SNX29: variants seen among roughly 807,000 people sequenced by gnomAD.
SNX29 encodes the protein sorting nexin 29.
SNX29 carries 78 observed loss-of-function variants against 102.1 expected under a neutral mutation model. That is an observed-to-expected ratio of 0.76 (90% CI 0.64 to 0.92). The LOEUF (loss-of-function observed/expected upper bound fraction) is 0.92. Ranked by LOEUF, SNX29 falls within the 40% of genes least tolerant of loss-of-function variation. The pLI, the probability that SNX29 is intolerant of heterozygous loss-of-function variation, is 0.00. For missense variants in SNX29, 1,280 were observed against 1,061.7 expected, an observed-to-expected ratio of 1.21 and a Z score of -2.86; for synonymous variants, 580 against 414.5, an observed-to-expected ratio of 1.40 and a Z score of -4.85.
chr16:12,472,609 C>G (rs1019229366), intron 18 of SNX29, among the ~76,000 whole-genome samples: 1 of 150,536 alleles, frequency 6.6e-6, no homozygotes, highest in African/African-American at 2.4e-5. Flanking sequence ...CGGGAGAGCA[C>G]TATTGATTAG....
chr16:12,476,265 GA>G (rs1044727943), intron 18 of SNX29, among the ~76,000 whole-genome samples: 26 of 140,406 alleles, frequency 1.9e-4, no homozygotes, highest in African/African-American at 6.6e-4. Context: ...AGGTTGCTGA[GA>G]TCGTGCCACT....
intron 11 of SNX29, among the ~76,000 whole-genome samples, chr16:12,117,052 ACGTGCTT>A (rs1399440969): frequency 2.2e-5 from 3 of 134,636 alleles, no homozygotes; most frequent in Non-Finnish European, 5.1e-5. Flanking sequence ...CGTGTTCAAT[ACGTGCTT>A]CAATGCGGAC....
intron 13 of SNX29, among the ~76,000 whole-genome samples, chr16:12,166,705 G>T (rs1359863580): frequency 2.6e-5 from 4 of 152,088 alleles, no homozygotes; most frequent in Non-Finnish European, 5.9e-5. Flanking sequence ...TAGAGGCCCC[G>T]TATTTATTTG....
intron 14 of SNX29, among the ~76,000 whole-genome samples, chr16:12,259,508 A>G (rs889514640): frequency 6.6e-6 from 1 of 152,156 alleles, no homozygotes; most frequent in African/African-American, 2.4e-5. Flanking sequence ...GGCTCCCCGC[A>G]GCTTTTATGA....
intron 20 of SNX29, among the ~76,000 whole-genome samples, chr16:12,539,801 T>G (rs2077242988): frequency 6.6e-6 from 1 of 152,226 alleles, no homozygotes. Context: ...GAGCATATTT[T>G]CATGTGGATG....
chr16:12,205,686 C>A (rs2077028641), intron 14 of SNX29, among the ~76,000 whole-genome samples: 1 of 152,238 alleles, frequency 6.6e-6, no homozygotes, highest in Non-Finnish European at 1.5e-5. Flanking sequence ...CCCTGTCTTA[C>A]CTTGTGCTGC....
At chr16:12,532,549 C>G (rs933288562) in intron 20 of SNX29, among the ~76,000 whole-genome samples, 2 of 152,178 alleles carry the variant, frequency 1.3e-5, no homozygotes, top group Non-Finnish European at 2.9e-5. Flanking sequence ...TGGAGAATTC[C>G]TAAGAACTTG....
chr16:12,256,110 T>C (rs565701077), intron 14 of SNX29, among the ~76,000 whole-genome samples: 2 of 152,336 alleles, frequency 1.3e-5, no homozygotes, highest in Admixed American at 1.3e-4. Flanking sequence ...TGATTTGCAT[T>C]TCTCCGATGA....
At chr16:11,989,616 A>G (rs1464397005) in intron 1 of SNX29, among the ~76,000 whole-genome samples, 2 of 152,230 alleles carry the variant, frequency 1.3e-5, no homozygotes, top group South Asian at 2.1e-4. Flanking sequence ...TTTTATTTAA[A>G]GTAGCAACTT....
At chr16:12,248,817 G>T (rs6498272) in intron 14 of SNX29, among the ~76,000 whole-genome samples, 102,969 of 151,730 alleles carry the variant, frequency 0.68, 36,109 homozygotes, top group African/African-American at 0.85. Flanking sequence ...GCACATGATA[G>T]AAAAATGCAT....
chr16:12,340,797 T>A (rs2081589400), intron 15 of SNX29, among the ~76,000 whole-genome samples: 1 of 152,182 alleles, frequency 6.6e-6, no homozygotes, highest in Non-Finnish European at 1.5e-5. Context: ...AGCATCTTTG[T>A]GGGTTCTTGA....
At chr16:12,544,323 C>T (rs1183044062) in intron 20 of SNX29, among the ~76,000 whole-genome samples, 1 of 152,044 alleles carries the variant, frequency 6.6e-6, no homozygotes. Context: ...ACCCCAAAGT[C>T]ATGAGGCAGG....
At chr16:12,347,647 A>G (rs139016219) in intron 15 of SNX29, among the ~76,000 whole-genome samples, 5 of 152,302 alleles carry the variant, frequency 3.3e-5, no homozygotes, top group African/African-American at 1.2e-4. Context: ...TATCAGACCC[A>G]TAGCAGGTGC....
chr16:12,040,112 C>G (rs949820286), intron 4 of SNX29, among the ~76,000 whole-genome samples: 58 of 152,280 alleles, frequency 3.8e-4, no homozygotes, highest in Middle Eastern at 3.4e-3. Flanking sequence ...GACTGTAATC[C>G]TAGCATTTTG....
intron 13 of SNX29, among the ~76,000 whole-genome samples, chr16:12,136,005 C>T (rs1030986433): frequency 1.6e-4 from 24 of 152,210 alleles, no homozygotes; most frequent in Middle Eastern, 3.2e-3. Flanking sequence ...TCACTGGGAC[C>T]GGCCTCGCAG....
intron 14 of SNX29, among the ~76,000 whole-genome samples, chr16:12,231,506 G>A (rs28711191): frequency 4.0e-5 from 6 of 151,578 alleles, no homozygotes; most frequent in Non-Finnish European, 7.4e-5. Context: ...CAGAGTTTTA[G>A]TCAATTTCCA....
At chr16:12,091,014 CAAAAAAAA>C (rs58933500) in intron 11 of SNX29, among the ~76,000 whole-genome samples, 1 of 53,452 alleles carries the variant, frequency 1.9e-5, no homozygotes, top group Non-Finnish European at 3.3e-5. Flanking sequence ...GACTTCATCT[CAAAAAAAA>C]AAAAAAAAAA....
At chr16:12,563,409 C>G (rs1021346784) in intron 20 of SNX29, among the ~76,000 whole-genome samples, 1 of 152,204 alleles carries the variant, frequency 6.6e-6, no homozygotes, top group East Asian at 1.9e-4. Context: ...TAGATGGCGA[C>G]TGGATTTTGT....
intron 20 of SNX29, among the ~76,000 whole-genome samples, chr16:12,536,992 TAAAA>T (rs527497766): frequency 1.1e-4 from 13 of 117,150 alleles, no homozygotes; most frequent in East Asian, 4.3e-4. Context: ...AAAAATAAAA[TAAAA>T]AGAGTTGTTC....
Sources: gnomAD v4.1 joint callset for allele counts (sites outside exome capture counted in the v4.1 genomes callset) on GRCh38, gnomAD v4.1.1 for gene constraint, MANE v1.5 for transcripts, NCBI Gene and HGNC (gene_info 2026-07-23, HGNC 2026-07-21) for gene names.